The following FHIT variants were observed in gnomAD, a reference collection of about 807,000 sequenced individuals.
The protein encoded by FHIT is fragile histidine triad diadenosine triphosphatase.
A neutral mutation model predicts 17.9 loss-of-function variants in FHIT; 19 were observed. That is an observed-to-expected ratio of 1.06 (90% CI 0.74 to 1.56). The LOEUF (loss-of-function observed/expected upper bound fraction) is 1.56, where lower values mean the gene tolerates loss of function less well. FHIT is among the 40% of genes most tolerant of loss of function. The pLI, the probability that FHIT is intolerant of heterozygous loss-of-function variation, is 0.00. For synonymous variants in FHIT, 81 were observed against 69.7 expected, an observed-to-expected ratio of 1.16 and a Z score of -0.81; for missense variants, 248 against 189.2, an observed-to-expected ratio of 1.31 and a Z score of -1.82.
rs1282165499 is a variant in FHIT, at chr3:60,832,074, A to C, written c.-110-10063T>G. ...CTAGAGCCCTTAGCCCCAAGTAATA[A>C]TAATAATAATAGGCAGCATTTATAT... On this transcript the variant is annotated intron_variant, in intron 3 of 9. Transcript: ENST00000492590. Among the ~76,000 whole-genome samples the C allele has an allele frequency of 2.0e-5, 3 of 152,128 alleles. No individual in the cohort carries two copies. The East Asian group carries it at 5.8e-4, about 29-fold the overall frequency.
At chr3:59,914,700 C>T (rs776293428) in intron 8 of FHIT, among the ~76,000 whole-genome samples, 2 of 152,082 alleles carry the variant, frequency 1.3e-5, no homozygotes, top group Non-Finnish European at 2.9e-5. Flanking sequence ...GGGGGCTTTT[C>T]ACTTTGGGGC....
At chr3:60,773,106 CTGTT>C (rs1700101139) in intron 4 of FHIT, among the ~76,000 whole-genome samples, 1 of 152,110 alleles carries the variant, frequency 6.6e-6, no homozygotes, top group African/African-American at 2.4e-5. Flanking sequence ...TCCATGGTCT[CTGTT>C]TGTGTAGCAG....
intron 5 of FHIT, among the ~76,000 whole-genome samples, chr3:60,179,677 G>C (rs772014359): frequency 6.6e-6 from 1 of 150,852 alleles, no homozygotes. Context: ...TCTGTAGGTT[G>C]TAAGTGTGTA....
chr3:60,861,241 C>CATATCATATATGAT (rs1553752472), intron 3 of FHIT, among the ~76,000 whole-genome samples: 16 of 37,116 alleles, frequency 4.3e-4, no homozygotes, highest in South Asian at 6.2e-4. Flanking sequence ...TATATCATAT[C>CATATCATATATGAT]ATATATGATA....
chr3:59,994,000 A>T (rs1202454792), intron 7 of FHIT, among the ~76,000 whole-genome samples: 1 of 152,038 alleles, frequency 6.6e-6, no homozygotes, highest in Non-Finnish European at 1.5e-5. Flanking sequence ...CTTAACTCTT[A>T]CTATTCTCAT....
intron 1 of FHIT, among the ~76,000 whole-genome samples, chr3:61,213,168 A>G (rs1267939855): frequency 6.6e-6 from 1 of 152,224 alleles, no homozygotes; most frequent in Non-Finnish European, 1.5e-5. Flanking sequence ...TTAACTTTAA[A>G]TGTAAATGGA....
At position 61,001,596 on chromosome 3, in the gene FHIT, G is replaced by A. The variant is rs184302438; in HGVS notation, c.-111+40451C>T. ...ATGATTACTTTAATATAGCATTCAT[G>A]AAATATGATAATCATAGAGATCAAG... On this transcript the variant is annotated intron_variant, in intron 3 of 9. Coordinates refer to ENST00000492590, the MANE Select transcript of FHIT (RefSeq NM_002012.4). 1.0e-3 allele frequency among the ~76,000 whole-genome samples: 158 copies of A among 152,316 alleles called. 1 individual carries two copies. Among genetic ancestry groups the A allele is most frequent in the Non-Finnish European group, 1.2e-3 (84 of 68,026 alleles).
chr3:60,796,718 A>T (rs1474773065), intron 4 of FHIT, among the ~76,000 whole-genome samples: 2 of 152,124 alleles, frequency 1.3e-5, no homozygotes, highest in East Asian at 3.9e-4. Flanking sequence ...CATAGCTGAG[A>T]TTACAGGTGT....
intron 4 of FHIT, among the ~76,000 whole-genome samples, chr3:60,582,561 T>C (rs370736538): frequency 7.9e-5 from 12 of 152,180 alleles, no homozygotes; most frequent in African/African-American, 2.9e-4. Context: ...AAATATTGAC[T>C]AAGACTGTGG....
At chr3:60,170,083 G>C (rs1701350988) in intron 5 of FHIT, among the ~76,000 whole-genome samples, 1 of 152,134 alleles carries the variant, frequency 6.6e-6, no homozygotes, top group Non-Finnish European at 1.5e-5. Flanking sequence ...TCTGGGTACA[G>C]GCATATAACT....
At chr3:60,790,251 T>C (rs1350801236) in intron 4 of FHIT, among the ~76,000 whole-genome samples, 1 of 152,146 alleles carries the variant, frequency 6.6e-6, no homozygotes, top group African/African-American at 2.4e-5. Context: ...GTCCCAAAAG[T>C]AAGGAAAGCG....
intron 5 of FHIT, among the ~76,000 whole-genome samples, chr3:60,189,762 A>G (rs554629272): frequency 5.1e-4 from 78 of 152,346 alleles, no homozygotes; most frequent in African/African-American, 1.9e-3. Context: ...TCATTTCAAA[A>G]GAGTTAACTA....
intron 4 of FHIT, among the ~76,000 whole-genome samples, chr3:60,576,116 T>A (rs11130774): frequency 0.46 from 69,181 of 151,730 alleles, 16,272 homozygotes; most frequent in Admixed American, 0.57. Context: ...CAGAGACGGG[T>A]AGAAGTTGAA....
intron 7 of FHIT, among the ~76,000 whole-genome samples, chr3:59,977,031 A>G (rs1708444784): frequency 1.3e-5 from 2 of 152,082 alleles, no homozygotes; most frequent in African/African-American, 4.8e-5. Context: ...GGGGACAGTG[A>G]AAACTGGTGA....
At chr3:60,219,509 A>G (rs563541469) in intron 5 of FHIT, among the ~76,000 whole-genome samples, 39 of 152,288 alleles carry the variant, frequency 2.6e-4, no homozygotes, top group African/African-American at 9.4e-4. Flanking sequence ...ATTAAAATGT[A>G]AACTTATTAT....
chr3:60,626,782 A>ATTTTTTTTTTTTT (rs1559594784), intron 4 of FHIT, among the ~76,000 whole-genome samples: 1 of 69,876 alleles, frequency 1.4e-5, no homozygotes, highest in African/African-American at 5.4e-5. Flanking sequence ...AGGGGAAAAC[A>ATTTTTTTTTTTTT]CTCTTTTTTT....
At chr3:60,272,582 G>T (rs1202492704) in intron 5 of FHIT, among the ~76,000 whole-genome samples, 1 of 152,092 alleles carries the variant, frequency 6.6e-6, no homozygotes, top group East Asian at 1.9e-4. Flanking sequence ...GACAAACCGA[G>T]GACTCCCAAA....
At chr3:59,833,410 A>T (rs1302929592) in intron 8 of FHIT, among the ~76,000 whole-genome samples, 1 of 152,184 alleles carries the variant, frequency 6.6e-6, no homozygotes, top group Non-Finnish European at 1.5e-5. Context: ...GGAGTGATGC[A>T]GCTACAAGCC....
intron 3 of FHIT, among the ~76,000 whole-genome samples, chr3:60,905,458 C>T (rs1387417907): frequency 6.6e-6 from 1 of 152,104 alleles, no homozygotes; most frequent in Non-Finnish European, 1.5e-5. Context: ...TATTTACTTA[C>T]CAGCAATGTC....
Sources: gnomAD v4.1 joint callset for allele counts (sites outside exome capture counted in the v4.1 genomes callset) on GRCh38, gnomAD v4.1.1 for gene constraint, MANE v1.5 for transcripts, NCBI Gene and HGNC (gene_info 2026-07-23, HGNC 2026-07-21) for gene names.